Variants in CREB1 observed in about 807,000 individuals in gnomAD.
The protein encoded by CREB1 is cAMP responsive element binding protein 1.
In CREB1, 2 loss-of-function variants were observed where a neutral mutation model predicts 42.0. The ratio of observed to expected loss-of-function variants is 0.05; its 90% CI spans 0.02 to 0.15. CREB1 has a LOEUF of 0.15. CREB1 is among the 10% of genes least tolerant of loss of function. CREB1 has a pLI of 1.00. For missense variants in CREB1, 199 were observed against 388.9 expected (o/e 0.51, Z 4.11); for synonymous variants, 123 against 139.9 (o/e 0.88, Z 0.85).
At position 207,602,895 on chromosome 2, in the gene CREB1, C is replaced by T. The variant is rs1171127267; in HGVS notation, c.*5837C>T. 4.6e-6 allele frequency: 1 copy of T among 217,370 alleles called. No individual in the cohort carries two copies. Among genetic ancestry groups the T allele is most frequent in the African/African-American group, 2.2e-5 (1 of 44,466 alleles). 13.5% of individuals were successfully genotyped at this position (217,370 alleles called of 1,614,324 possible). A position where few individuals can be genotyped will look rare whatever the true frequency, so the allele number is the denominator to read the frequency against. The stretch of plus-strand genomic sequence containing the variant: ...ACATGTCAGTTGTAACTCCCCCACT[C>T]CCTGCAAAAGGAATTATTTCTAACC... On this transcript the variant is annotated 3_prime_UTR_variant, in exon 8 of 8. Transcript: ENST00000353267.
rs150075138 is a variant in CREB1, at chr2:207,558,448, A to AT, written c.115-1776dup. Reference sequence around the variant, plus strand: ...AGTTCCTCTCTCACCTCTTTTAACTATTCATAAAGCCCTTTCTGGACTGCT... The same window carrying AT: ...AGTTCCTCTCTCACCTCTTTTAACTATTTCATAAAGCCCTTTCTGGACTGCT... On this transcript the variant is annotated intron_variant, in intron 2 of 7. Coordinates refer to ENST00000353267, the MANE Select transcript of CREB1 (RefSeq NM_004379.5). 1.1e-3 allele frequency among the ~76,000 whole-genome samples: 171 copies of AT among 152,188 alleles called. 1 individual carries two copies. Among genetic ancestry groups the AT allele is most frequent in the African/African-American group, 3.8e-3 (157 of 41,524 alleles).
At chr2:207,533,609 CTT>C (rs2106329884) in intron 1 of CREB1, among the ~76,000 whole-genome samples, 1 of 152,146 alleles carries the variant, frequency 6.6e-6, no homozygotes, top group East Asian at 1.9e-4. Flanking sequence ...TTGCAAATAT[CTT>C]GATATATGGT....
At chr2:207,578,937 CCCA>C (rs1468967797) in intron 7 of CREB1, among the ~76,000 whole-genome samples, 1 of 152,004 alleles carries the variant, frequency 6.6e-6, no homozygotes, top group African/African-American at 2.4e-5. Flanking sequence ...ATTACAGGTG[CCCA>C]CCACCACGCC....
intron 7 of CREB1, among the ~76,000 whole-genome samples, chr2:207,584,882 A>T (rs555702922): frequency 3.5e-4 from 54 of 152,154 alleles, no homozygotes; most frequent in African/African-American, 1.3e-3. Flanking sequence ...TTTTCTTAAC[A>T]TTATCTATCT....
rs568276309 is a variant in CREB1, at chr2:207,542,682, T to C, written c.-9+12548T>C. 2.6e-5 allele frequency among the ~76,000 whole-genome samples: 4 copies of C among 152,338 alleles called. No homozygotes were observed. The South Asian group carries it at 6.2e-4, about 24-fold the overall frequency. On this transcript the variant is annotated intron_variant, in intron 1 of 7. Coordinates refer to ENST00000353267, the MANE Select transcript of CREB1 (RefSeq NM_004379.5). The stretch of plus-strand genomic sequence containing the variant: ...TATGATTTCCGGTTCATCTAATTTT[T>C]CTTTTCTTGTTTGTGTTTTGGTGTT...
intron 1 of CREB1, among the ~76,000 whole-genome samples, chr2:207,539,193 A>G (rs948555795): frequency 2.0e-5 from 3 of 149,120 alleles, no homozygotes; most frequent in Non-Finnish European, 4.4e-5. Flanking sequence ...AGCATGTGCC[A>G]CCATACCTGG....
Position 207,599,868 on chromosome 2 carries a change from C to T in CREB1, c.*2810C>T, listed in dbSNP as rs2086744090. On this transcript the variant is annotated 3_prime_UTR_variant, in exon 8 of 8. Coordinates refer to ENST00000353267, the MANE Select transcript of CREB1 (RefSeq NM_004379.5). ...ATTGGCCAAAAGGGAATAAAAATGT[C>T]ATCATAGGAATTTGTACATATGCTA... 2 of 195,044 alleles carry T rather than the reference C, an allele frequency of 1.0e-5. No individual in the cohort carries two copies. The highest frequency in any genetic ancestry group is 2.1e-5 in the Non-Finnish European group (2 of 93,840). The allele number at this position is 195,044 out of a possible 1,614,324, so 12.1% of individuals were successfully genotyped here. A position where few individuals can be genotyped will look rare whatever the true frequency, so the allele number is the denominator to read the frequency against.
chr2:207,543,355 C>T (rs571044580), intron 1 of CREB1, among the ~76,000 whole-genome samples: 72 of 152,136 alleles, frequency 4.7e-4, no homozygotes, highest in African/African-American at 1.5e-3. Flanking sequence ...ATAATGACTG[C>T]GATGGTAGTT....
intron 5 of CREB1, among the ~76,000 whole-genome samples, chr2:207,571,358 G>T (rs1306256346): frequency 6.6e-6 from 1 of 152,034 alleles, no homozygotes; most frequent in Non-Finnish European, 1.5e-5. Flanking sequence ...TAAGAAATAT[G>T]CATGAAAGTT....
intron 1 of CREB1, among the ~76,000 whole-genome samples, chr2:207,541,479 C>A (rs1404810182): frequency 6.6e-6 from 1 of 152,172 alleles, no homozygotes; most frequent in Non-Finnish European, 1.5e-5. Flanking sequence ...CATTTCCCCA[C>A]AGTGTTCAGT....
chr2:207,562,030 GTGT>G (rs1390945212), intron 3 of CREB1, among the ~76,000 whole-genome samples: 3 of 152,198 alleles, frequency 2.0e-5, no homozygotes, highest in African/African-American at 7.2e-5. Flanking sequence ...GTAAAAGATA[GTGT>G]TGTGCATGTA....
At chr2:207,553,329 A>C (rs2081590381) in intron 1 of CREB1, among the ~76,000 whole-genome samples, 1 of 152,076 alleles carries the variant, frequency 6.6e-6, no homozygotes, top group Admixed American at 6.5e-5. Context: ...TTGGCCTCCT[A>C]AAGTGCTGGG....
At chr2:207,583,548 T>C (rs2083306100) in intron 7 of CREB1, among the ~76,000 whole-genome samples, 1 of 152,240 alleles carries the variant, frequency 6.6e-6, no homozygotes, top group Non-Finnish European at 1.5e-5. Context: ...AGTGCTGTTT[T>C]CTAAAGTTAC....
At chr2:207,579,985 C>G (rs1184805321) in intron 7 of CREB1, among the ~76,000 whole-genome samples, 2 of 152,122 alleles carry the variant, frequency 1.3e-5, no homozygotes, top group African/African-American at 4.8e-5. Flanking sequence ...TCATCCATAC[C>G]CATGTATTTC....
At chr2:207,553,621 T>C (rs2106443029) in intron 1 of CREB1, among the ~76,000 whole-genome samples, 1 of 152,338 alleles carries the variant, frequency 6.6e-6, no homozygotes, top group Non-Finnish European at 1.5e-5. Flanking sequence ...TAAAAAACTT[T>C]GTATGCATCT....
In CREB1 at chr2:207,597,144, T is replaced by C. The variant is rs978485495; in HGVS notation, c.*86T>C. Reference sequence around the variant, plus strand: ...AAGACAAAATAAACATTTTATTTTCTAAACATTTCTTTTTTTCTATGCGCA... The same window carrying C: ...AAGACAAAATAAACATTTTATTTTCCAAACATTTCTTTTTTTCTATGCGCA... On this transcript the variant is annotated 3_prime_UTR_variant, in exon 8 of 8. Transcript: ENST00000353267. 9.9e-6 allele frequency: 14 copies of C among 1,416,548 alleles called. No homozygotes were observed. In the Admixed American group the frequency reaches 3.8e-4, roughly 39 times the overall value. The allele number at this position is 1,416,548 out of a possible 1,614,324, so 87.7% of individuals were successfully genotyped here. A position where few individuals can be genotyped will look rare whatever the true frequency, so the allele number is the denominator to read the frequency against.
intron 7 of CREB1, among the ~76,000 whole-genome samples, chr2:207,582,640 C>G (rs1041547114): frequency 2.6e-5 from 4 of 152,062 alleles, no homozygotes; most frequent in Non-Finnish European, 5.9e-5. Context: ...TGTGTTTTCC[C>G]TTCCCTAGCC....
intron 7 of CREB1, chr2:207,580,588 G>A (rs1165292383): frequency 4.6e-6 from 1 of 216,672 alleles, no homozygotes; most frequent in Admixed American, 5.8e-5. Context: ...ATCAAACACA[G>A]CCTATCTTAA....
At position 207,571,315 on chromosome 2, in the gene CREB1, C is replaced by T. The variant is rs188854459; in HGVS notation, c.505+994C>T. Reference sequence around the variant, plus strand: ...ACTTGAGCCATCCAGGAGTTTAAGACCCCATCCCTATTTATAAAAATAATT... The same window carrying T: ...ACTTGAGCCATCCAGGAGTTTAAGATCCCATCCCTATTTATAAAAATAATT... On this transcript the variant is annotated intron_variant, in intron 5 of 7. Coordinates refer to ENST00000353267, the MANE Select transcript of CREB1 (RefSeq NM_004379.5). Among the ~76,000 whole-genome samples the T allele has an allele frequency of 3.6e-3, 542 of 152,056 alleles. 3 individuals are homozygous for T. The highest frequency in any genetic ancestry group is 0.012 in the African/African-American group (485 of 41,494).
Sources: gnomAD v4.1 joint callset for allele counts (sites outside exome capture counted in the v4.1 genomes callset) on GRCh38, gnomAD v4.1.1 for gene constraint, MANE v1.5 for transcripts, NCBI Gene and HGNC (gene_info 2026-07-23, HGNC 2026-07-21) for gene names.